Variants in TASP1 observed in about 807,000 individuals in gnomAD.
The protein encoded by TASP1 is taspase 1, also known as threonine aspartase 1.
A neutral mutation model predicts 56.6 loss-of-function variants in TASP1; 16 were observed. The observed-to-expected ratio is 0.28, with a 90% CI of 0.19 to 0.43. The LOEUF is 0.43. TASP1 is among the 20% of genes least tolerant of loss of function. The pLI, the probability that TASP1 is intolerant of heterozygous loss-of-function variation, is 1.00. For missense variants in TASP1, 393 were observed against 511.6 expected, an observed-to-expected ratio of 0.77 and a Z score of 2.24; for synonymous variants, 179 against 184.2, an observed-to-expected ratio of 0.97 and a Z score of 0.23.
chr20:13,610,593 C>T (rs912460409), intron 4 of TASP1, among the ~76,000 whole-genome samples: 2 of 152,062 alleles, frequency 1.3e-5, no homozygotes, highest in Non-Finnish European at 2.9e-5. Context: ...AATAAGATTG[C>T]AAATTTTTTA....
chr20:13,160,889 A>T, the TASP1 span, among the ~76,000 whole-genome samples: 13 of 152,328 alleles, frequency 8.5e-5, no homozygotes, highest in East Asian at 2.3e-3. Flanking sequence ...GAAGATTCAC[A>T]GGGGAGGTGG....
chr20:13,415,634 T>C (rs953017015), intron 13 of TASP1, among the ~76,000 whole-genome samples: 14 of 152,120 alleles, frequency 9.2e-5, no homozygotes, highest in Non-Finnish European at 1.5e-5. Flanking sequence ...AAACCATGTC[T>C]ACCAGATGTC....
At chr20:13,343,956 C>G in the TASP1 span, among the ~76,000 whole-genome samples, 4 of 152,054 alleles carry the variant, frequency 2.6e-5, no homozygotes, top group Non-Finnish European at 4.4e-5. Flanking sequence ...TCCCAGCCCA[C>G]CGGGCTTCTG....
chr20:13,292,422 C>T, the TASP1 span: 93 of 1,606,292 alleles, frequency 5.8e-5, no homozygotes, highest in Middle Eastern at 4.9e-4. Flanking sequence ...AGTCTGCTTG[C>T]GGGAAGCGAG....
chr20:13,213,343 T>G, the TASP1 span, among the ~76,000 whole-genome samples: 2 of 152,268 alleles, frequency 1.3e-5, no homozygotes, highest in East Asian at 3.9e-4. Context: ...TAAAAACAAT[T>G]TTCATTAACA....
At chr20:13,404,190 C>T (rs967780299) in intron 13 of TASP1, among the ~76,000 whole-genome samples, 43 of 152,288 alleles carry the variant, frequency 2.8e-4, no homozygotes, top group Middle Eastern at 3.4e-3. Flanking sequence ...TCACTTAGTA[C>T]TCTTTCATGT....
At chr20:13,357,446 C>T in the TASP1 span, among the ~76,000 whole-genome samples, 1 of 152,154 alleles carries the variant, frequency 6.6e-6, no homozygotes, top group Non-Finnish European at 1.5e-5. Flanking sequence ...GATAAATGTG[C>T]TTCAAATAAC....
At chr20:13,545,037 T>G (rs1350669319) in intron 8 of TASP1, among the ~76,000 whole-genome samples, 2 of 152,120 alleles carry the variant, frequency 1.3e-5, no homozygotes, top group Non-Finnish European at 2.9e-5. Flanking sequence ...ACATGAGATT[T>G]TTTAAGTACA....
At chr20:13,465,018 A>G (rs188375559) in intron 11 of TASP1, among the ~76,000 whole-genome samples, 141 of 151,842 alleles carry the variant, frequency 9.3e-4, no homozygotes, top group African/African-American at 3.3e-3. Context: ...TAATAAATAA[A>G]AAAGTAGCCA....
intron 10 of TASP1, among the ~76,000 whole-genome samples, chr20:13,507,849 C>A (rs1223913844): frequency 6.6e-6 from 1 of 152,092 alleles, no homozygotes; most frequent in Non-Finnish European, 1.5e-5. Flanking sequence ...GCTATAGTAA[C>A]CAAAATAGTG....
intron 8 of TASP1, among the ~76,000 whole-genome samples, chr20:13,558,165 G>C (rs1007943251): frequency 4.6e-4 from 70 of 151,936 alleles, no homozygotes; most frequent in African/African-American, 1.6e-3. Flanking sequence ...GGACAAAACA[G>C]TATCTAAGCC....
At chr20:13,274,095 GCACA>G in the TASP1 span, among the ~76,000 whole-genome samples, 13 of 151,742 alleles carry the variant, frequency 8.6e-5, no homozygotes, top group African/African-American at 3.2e-4. Flanking sequence ...GCATGTGCAT[GCACA>G]CAAACACACC....
chr20:13,539,030 A>G (rs1447674125), intron 8 of TASP1, among the ~76,000 whole-genome samples: 1 of 152,148 alleles, frequency 6.6e-6, no homozygotes, highest in South Asian at 2.1e-4. Context: ...CCTGGGTGAC[A>G]CAGTGAGACT....
chr20:13,418,744 C>T (rs1354870397), intron 12 of TASP1, among the ~76,000 whole-genome samples: 2 of 152,180 alleles, frequency 1.3e-5, no homozygotes, highest in Admixed American at 1.3e-4. Flanking sequence ...CTAACACCAC[C>T]AATTAAGGCA....
the TASP1 span, among the ~76,000 whole-genome samples, chr20:13,148,821 A>G: frequency 2.0e-5 from 3 of 152,192 alleles, no homozygotes; most frequent in South Asian, 6.2e-4. Flanking sequence ...AGCTCTCCAG[A>G]TGACTGTGAG....
At chr20:13,333,323 G>A in the TASP1 span, among the ~76,000 whole-genome samples, 2 of 152,232 alleles carry the variant, frequency 1.3e-5, no homozygotes, top group African/African-American at 2.4e-5. Flanking sequence ...CTTGACAGGG[G>A]AGGAGAGAGA....
the TASP1 span, among the ~76,000 whole-genome samples, chr20:13,203,125 T>C: frequency 0.024 from 3,725 of 152,306 alleles, 62 homozygotes; most frequent in Non-Finnish European, 0.031. Flanking sequence ...AAGCATTAAC[T>C]ACATGCACAA....
At chr20:13,313,865 G>C in the TASP1 span, among the ~76,000 whole-genome samples, 2 of 152,176 alleles carry the variant, frequency 1.3e-5, no homozygotes, top group African/African-American at 4.8e-5. Context: ...AGGGTGCTAA[G>C]GGCTCTAATG....
intron 11 of TASP1, among the ~76,000 whole-genome samples, chr20:13,461,811 C>A (rs1417060916): frequency 6.6e-6 from 1 of 152,142 alleles, no homozygotes; most frequent in African/African-American, 2.4e-5. Flanking sequence ...GTTTATTAAA[C>A]AAAGTTCCCA....
Sources: allele counts gnomAD v4.1 joint callset (sites outside exome capture counted in the v4.1 genomes callset), GRCh38; gene constraint gnomAD v4.1.1; transcripts MANE v1.5; gene names NCBI Gene and HGNC (gene_info 2026-07-23, HGNC 2026-07-21).